Variants in CACNA1C observed in about 807,000 individuals in gnomAD.
CACNA1C encodes the protein voltage-dependent L-type calcium channel subunit alpha-1C.
Under a neutral mutation model 229.0 loss-of-function variants are expected in CACNA1C, and 30 were observed. The observed-to-expected ratio is 0.13, with a 90% CI of 0.10 to 0.18. CACNA1C has a LOEUF of 0.18. Ranked by LOEUF, CACNA1C falls within the 10% of genes least tolerant of loss-of-function variation. The pLI, the probability that CACNA1C is intolerant of heterozygous loss-of-function variation, is 1.00. For synonymous variants in CACNA1C, 1,114 were observed against 1,132.5 expected (o/e 0.98, Z 0.33); for missense variants, 1,658 against 2,845.0 (o/e 0.58, Z 9.49).
chr12:2,430,849 C>T (rs1002722748), intron 3 of CACNA1C, among the ~76,000 whole-genome samples: 4 of 152,230 alleles, frequency 2.6e-5, no homozygotes, highest in Non-Finnish European at 5.9e-5. Flanking sequence ...GCATTGAGCA[C>T]CCTGGCCTCA....
At position 2,581,608 on chromosome 12, in the gene CACNA1C, C is replaced by A. The variant is rs1373774723; in HGVS notation, c.1914C>A (p.Ser638Arg). 1 of 1,566,752 alleles carries A rather than the reference C, an allele frequency of 6.4e-7. No individual in the cohort carries two copies. Among genetic ancestry groups the A allele is most frequent in the Admixed American group, 1.9e-5 (1 of 52,784 alleles). The change falls in exon 14 of 47, where the codon AGC becomes AGA. Residue 638 changes from serine (S) to arginine (R), a missense_variant. Physicochemically the swap from Ser to Arg is moderately radical, Grantham distance 110 (BLOSUM62 -1). Coordinates refer to ENST00000399655, the MANE Select transcript of CACNA1C (RefSeq NM_000719.7). ...FKITRYWNSL[S>R]NLVASLLNSV... ...CTCTCAGGTACTGGAACTCCTTGAGCAACCTGGTGGCATCCTTGCTGAACT... is the reference window on the plus strand; with the variant it reads ...CTCTCAGGTACTGGAACTCCTTGAGAAACCTGGTGGCATCCTTGCTGAACT...
chr12:2,524,123 C>G (rs1246324218), intron 9 of CACNA1C, among the ~76,000 whole-genome samples: 2 of 152,178 alleles, frequency 1.3e-5, no homozygotes. Context: ...AACTGGAACC[C>G]TGAAGCTAGT....
intron 1 of CACNA1C, among the ~76,000 whole-genome samples, chr12:2,044,406 A>G (rs1016900898): frequency 2.6e-5 from 4 of 152,064 alleles, no homozygotes; most frequent in Admixed American, 2.0e-4. Context: ...TGCCCTCGTG[A>G]CTTTGCCTAT....
In CACNA1C at chr12:2,000,056, C is replaced by G. The variant is rs74059693; in HGVS notation, c.139+28855C>G. 1.7e-3 allele frequency among the ~76,000 whole-genome samples: 253 copies of G among 152,270 alleles called. 1 individual carries two copies. The highest frequency in any genetic ancestry group is 5.9e-3 in the African/African-American group (246 of 41,554). ...GCACTAAGAATTACTTACACCCAAACCACCAAAGTATTAATCAGGAAAATG... is the reference window on the plus strand; with the variant it reads ...GCACTAAGAATTACTTACACCCAAAGCACCAAAGTATTAATCAGGAAAATG... On this transcript the variant is annotated intron_variant, in intron 1 of 46. Coordinates refer to the CACNA1C transcript ENST00000682462.
At chr12:2,505,938 G>A (rs2099770793) in intron 8 of CACNA1C, among the ~76,000 whole-genome samples, 1 of 152,052 alleles carries the variant, frequency 6.6e-6, no homozygotes, top group Admixed American at 6.6e-5. Context: ...GGTTAATGCT[G>A]GGAGAAATTT....
rs1015512893 is a variant in CACNA1C, at chr12:2,287,264, C to T, written c.478-161712C>T. Among the ~76,000 whole-genome samples the T allele has an allele frequency of 3.9e-5, 6 of 152,150 alleles. No homozygotes were observed. The highest frequency in any genetic ancestry group is 1.4e-4 in the African/African-American group (6 of 41,426). On this transcript the variant is annotated intron_variant, in intron 3 of 46. Coordinates refer to ENST00000399655, the MANE Select transcript of CACNA1C (RefSeq NM_000719.7). This position sits in a 1 kb window ranked among gnomAD's most constrained non-coding sequence, Gnocchi z 4.6. The stretch of plus-strand genomic sequence containing the variant: ...GAATGACCTTCCCAAGGGGAGGGAT[C>T]GGGCAAGTATTGAGTCATTCCTGCT...
intron 3 of CACNA1C, among the ~76,000 whole-genome samples, chr12:2,146,701 A>G (rs536682840): frequency 6.6e-6 from 1 of 151,432 alleles, no homozygotes; most frequent in South Asian, 2.1e-4. Flanking sequence ...TTCTGCTCTC[A>G]GTACCCCATT....
chr12:2,392,612 G>T (rs2098504397), intron 3 of CACNA1C, among the ~76,000 whole-genome samples: 1 of 152,100 alleles, frequency 6.6e-6, no homozygotes, highest in African/African-American at 2.4e-5. Context: ...TCTTTAGAGG[G>T]GATTTGTCAT....
chr12:2,572,564 TCCTCCTCCTTCTCCTC>T (rs2056096661), intron 13 of CACNA1C, among the ~76,000 whole-genome samples: 1 of 63,360 alleles, frequency 1.6e-5, no homozygotes, highest in Non-Finnish European at 3.2e-5. Context: ...CCTTCTCCTC[TCCTCCTCCTTCTCCTC>T]TCCTCCTCCT....
chr12:2,599,262 G>A (rs112325709), intron 21 of CACNA1C, among the ~76,000 whole-genome samples: 2,755 of 152,254 alleles, frequency 0.018, 39 homozygotes, highest in Middle Eastern at 0.037. Flanking sequence ...CCCAATGCCG[G>A]AACACTCCCC....
intron 9 of CACNA1C, among the ~76,000 whole-genome samples, chr12:2,519,453 C>A (rs1039601131): frequency 1.8e-4 from 28 of 152,200 alleles, no homozygotes; most frequent in African/African-American, 6.3e-4. Context: ...TCACCGATGA[C>A]ATCCTTTCAA....
intron 1 of CACNA1C, among the ~76,000 whole-genome samples, chr12:2,043,469 G>C (rs1386988009): frequency 4.6e-5 from 7 of 152,046 alleles, no homozygotes; most frequent in Non-Finnish European, 7.4e-5. Context: ...TGGCAGGAGA[G>C]GGGAGAGACA....
chr12:2,444,685 G>C (rs986490355), intron 3 of CACNA1C, among the ~76,000 whole-genome samples: 1 of 152,194 alleles, frequency 6.6e-6, no homozygotes, highest in South Asian at 2.1e-4. Context: ...GCAGTGAGAG[G>C]CATCACCATC....
intron 1 of CACNA1C, among the ~76,000 whole-genome samples, chr12:2,090,561 G>A (rs933099540): frequency 6.6e-6 from 1 of 152,136 alleles, no homozygotes; most frequent in South Asian, 2.1e-4. Context: ...CAAGTGATCT[G>A]CTCGCCTTGG....
At chr12:2,369,206 A>G (rs2097789655) in intron 3 of CACNA1C, among the ~76,000 whole-genome samples, 1 of 152,166 alleles carries the variant, frequency 6.6e-6, no homozygotes, top group South Asian at 2.1e-4. Context: ...TTACAAAACC[A>G]GTTTAAAATT....
At chr12:2,564,801 A>G (rs2049433047) in intron 11 of CACNA1C, among the ~76,000 whole-genome samples, 1 of 152,034 alleles carries the variant, frequency 6.6e-6, no homozygotes, top group Non-Finnish European at 1.5e-5. Flanking sequence ...TGCCTTCATC[A>G]TCTCTAACCT....
Position 2,633,419 on chromosome 12 carries a change from G to A in CACNA1C, c.3829-878G>A, listed in dbSNP as rs958294478. On this transcript the variant is annotated intron_variant, in intron 29 of 46. Transcript: ENST00000399655. This position sits in a 1 kb window ranked among gnomAD's most constrained non-coding sequence, Gnocchi z 5.8. Reference sequence around the variant, plus strand: ...TCTGTAGGATGGGGGCCACGTGACCGAGGGAATGCGGGCAGTAGGGTTAGA... The same window carrying A: ...TCTGTAGGATGGGGGCCACGTGACCAAGGGAATGCGGGCAGTAGGGTTAGA... 1.3e-5 allele frequency among the ~76,000 whole-genome samples: 2 copies of A among 152,174 alleles called. No homozygotes were observed. The highest frequency in any genetic ancestry group is 2.1e-4 in the South Asian group (1 of 4,824).
chr12:2,105,667 T>G (rs2078069987), intron 1 of CACNA1C, among the ~76,000 whole-genome samples: 2 of 96,654 alleles, frequency 2.1e-5, no homozygotes, highest in African/African-American at 4.2e-5. Flanking sequence ...CTGGGCATCC[T>G]GAAGCCACTG....
chr12:2,607,398 A>C, intron 26 of CACNA1C: 1 of 400,440 alleles, frequency 2.5e-6, no homozygotes, highest in Non-Finnish European at 4.5e-6. Context: ...ATGAGCCACG[A>C]TGTCAGAGAT....
Sources: allele counts gnomAD v4.1 joint callset (sites outside exome capture counted in the v4.1 genomes callset), GRCh38; gene constraint gnomAD v4.1.1; non-coding constraint Gnocchi (gnomAD v3.1); transcripts MANE v1.5; gene names NCBI Gene and HGNC (gene_info 2026-07-23, HGNC 2026-07-21).